The following CUX1 variants were observed in gnomAD, a reference collection of about 807,000 sequenced individuals.
CUX1 encodes the protein cut like homeobox 1, also known as protein CASP.
In CUX1, 31 loss-of-function variants were observed where a neutral mutation model predicts 158.8. The ratio of observed to expected loss-of-function variants is 0.20; its 90% confidence interval spans 0.15 to 0.26. The LOEUF (loss-of-function observed/expected upper bound fraction) is 0.26, where lower values mean the gene tolerates loss of function less well. Among genes scored for constraint, CUX1 ranks in the 10% least tolerant of loss-of-function variants. CUX1 has a pLI of 1.00. For synonymous variants in CUX1, 879 were observed against 862.1 expected (o/e 1.02, Z -0.34); for missense variants, 1,589 against 2,014.6 (o/e 0.79, Z 4.04).
intron 7 of CUX1, 26 bp downstream of exon 7, chr7:102,111,800 A>G (rs782142374): frequency 2.0e-5 from 32 of 1,604,940 alleles, no homozygotes; most frequent in Admixed American, 8.4e-5. Context: ...TCCTAGTACC[A>G]TGGATGTGGG....
At position 102,205,150 on chromosome 7, in the gene CUX1, A is replaced by C; in HGVS notation, c.3110A>C (p.Gln1037Pro). 1 of 1,612,034 alleles carries C rather than the reference A, an allele frequency of 6.2e-7. No homozygotes were observed. The highest frequency in any genetic ancestry group is 8.5e-7 in the Non-Finnish European group (1 of 1,178,898). ...HSVTSLQDPL[Q>P]QGCVSSESTP... The stretch of plus-strand genomic sequence containing the variant: ...GTGACATCGCTCCAGGACCCGCTGC[A>C]GCAGGGCTGTGTGAGCTCAGGTAAG... The change falls in exon 20 of 24, where the codon CAG becomes CCG. Residue 1037 changes from glutamine (Q) to proline (P), a missense_variant. Physicochemically the swap from Gln to Pro is moderately conservative, Grantham distance 76. This residue lies in a region of CUX1 where 259 missense variants were observed against 373.8 expected (regional missense o/e 0.69). Transcript: ENST00000292535.
intron 3 of CUX1, among the ~76,000 whole-genome samples, chr7:102,043,791 G>A (rs1822412566): frequency 6.6e-6 from 1 of 152,072 alleles, no homozygotes; most frequent in Admixed American, 6.6e-5. Flanking sequence ...TTCCCATAAT[G>A]GCTGTACCAA....
chr7:102,169,998 C>T (rs1049825597), intron 9 of CUX1, among the ~76,000 whole-genome samples: 1 of 152,172 alleles, frequency 6.6e-6, no homozygotes, highest in African/African-American at 2.4e-5. Flanking sequence ...GAAAAACAAC[C>T]ACAACATTGT....
At position 102,214,673 on chromosome 7, in the gene CUX1, G is replaced by A. The variant is rs10251123; in HGVS notation, c.3130+9503G>A. ...TGTCACGGCCCCCCGGAGCCATGCC[G>A]ACACCCAGGCCCCAGCCCCATGCGG... On this transcript the variant is annotated intron_variant, in intron 20 of 23. Coordinates refer to ENST00000292535, the MANE Select transcript of CUX1 (RefSeq NM_181552.4). 8.6e-3 allele frequency among the ~76,000 whole-genome samples: 1,311 copies of A among 152,326 alleles called. 14 individuals carry two copies. The highest frequency in any genetic ancestry group is 0.03 in the African/African-American group (1,254 of 41,570).
chr7:101,829,729 G>C (rs997667375), intron 1 of CUX1, among the ~76,000 whole-genome samples: 4 of 152,318 alleles, frequency 2.6e-5, no homozygotes, highest in African/African-American at 9.6e-5. Flanking sequence ...GGGACGCCTG[G>C]CTGGAGCCTT....
At chr7:102,027,372 C>G (rs1032919344) in intron 2 of CUX1, among the ~76,000 whole-genome samples, 1 of 150,048 alleles carries the variant, frequency 6.7e-6, no homozygotes, top group Non-Finnish European at 1.5e-5. Flanking sequence ...GACTCCATCT[C>G]AAAAAAAAAG....
chr7:101,918,339 CCTT>C (rs1804486610), intron 2 of CUX1, among the ~76,000 whole-genome samples: 1 of 152,260 alleles, frequency 6.6e-6, no homozygotes, highest in African/African-American at 2.4e-5. Context: ...GTTTTTATCT[CCTT>C]CTGATCCCAA....
chr7:101,857,491 C>G (rs1322488556), intron 1 of CUX1, among the ~76,000 whole-genome samples: 2 of 152,300 alleles, frequency 1.3e-5, no homozygotes, highest in African/African-American at 4.8e-5. Context: ...CCGAAGTCAG[C>G]TGTTTTGAAT....
At chr7:102,072,394 G>A (rs1210269768) in intron 4 of CUX1, among the ~76,000 whole-genome samples, 1 of 152,170 alleles carries the variant, frequency 6.6e-6, no homozygotes, top group Admixed American at 6.5e-5. Context: ...ATCTTGATTG[G>A]TTGCGGAAAG....
At chr7:102,212,214 A>C (rs1278698008) in intron 20 of CUX1, among the ~76,000 whole-genome samples, 1 of 152,156 alleles carries the variant, frequency 6.6e-6, no homozygotes, top group Non-Finnish European at 1.5e-5. Flanking sequence ...GGGACCCTGC[A>C]CACACAGATC....
Position 102,254,803 on chromosome 7 carries a change from C to G in CUX1, c.*5761C>G, listed in dbSNP as rs1789712406. 1 of 985,358 alleles carries G rather than the reference C, an allele frequency of 1.0e-6. No individual in the cohort carries two copies. The highest frequency in any genetic ancestry group is 4.7e-5 in the South Asian group (1 of 21,282). The allele number at this position is 985,358 out of a possible 1,614,324, so 61.0% of individuals were successfully genotyped here. A position where few individuals can be genotyped will look rare whatever the true frequency, so the allele number is the denominator to read the frequency against. On this transcript the variant is annotated 3_prime_UTR_variant, in exon 24 of 24. Transcript: ENST00000292535. ...TGATGTGGTTGGATCTCAGCGTGTA[C>G]TGAATGCCAGTCTGGCCGGCACACT...
At chr7:101,824,775 A>G (rs1793069560) in intron 1 of CUX1, 1 of 152,112 alleles carries the variant, frequency 6.6e-6, no homozygotes. Flanking sequence ...TTATTTTGAG[A>G]TTCTTGGAAG....
chr7:101,997,076 T>C (rs537212073), intron 2 of CUX1, among the ~76,000 whole-genome samples: 12 of 152,254 alleles, frequency 7.9e-5, no homozygotes, highest in African/African-American at 2.9e-4. Flanking sequence ...CATCAGGGCC[T>C]GCCCATGGGG....
At chr7:101,987,254 G>A (rs945277227) in intron 2 of CUX1, among the ~76,000 whole-genome samples, 14 of 152,302 alleles carry the variant, frequency 9.2e-5, no homozygotes, top group African/African-American at 2.9e-4. Flanking sequence ...ACAGAAGTCC[G>A]TGCGTGAGCC....
At chr7:101,818,320 G>A (rs971363077) in intron 1 of CUX1, among the ~76,000 whole-genome samples, 3 of 152,142 alleles carry the variant, frequency 2.0e-5, no homozygotes, top group South Asian at 2.1e-4. Context: ...TGTAAAACCC[G>A]TTGTGGAGTT....
chr7:101,938,690 G>A (rs776605409), intron 2 of CUX1, among the ~76,000 whole-genome samples: 11 of 152,082 alleles, frequency 7.2e-5, no homozygotes, highest in African/African-American at 1.9e-4. Context: ...CAGATCACCC[G>A]AGGTCAGGAA....
At chr7:102,224,753 C>CT (rs1798179598) in intron 20 of CUX1, among the ~76,000 whole-genome samples, 1 of 152,204 alleles carries the variant, frequency 6.6e-6, no homozygotes, top group Non-Finnish European at 1.5e-5. Context: ...TGTACAGCCT[C>CT]TGAGTTTCGT....
intron 11 of CUX1, among the ~76,000 whole-genome samples, chr7:102,180,306 G>A (rs1482202245): frequency 2.0e-5 from 3 of 148,768 alleles, no homozygotes; most frequent in African/African-American, 7.5e-5. Context: ...ACAGGCGTGA[G>A]CCACTGCCTT....
intron 1 of CUX1, among the ~76,000 whole-genome samples, chr7:101,899,777 G>A (rs976101978): frequency 6.6e-6 from 1 of 152,102 alleles, no homozygotes; most frequent in Admixed American, 6.5e-5. Context: ...CTTGGTAATT[G>A]GCATGAATTT....
Sources: allele counts gnomAD v4.1 joint callset (sites outside exome capture counted in the v4.1 genomes callset), GRCh38; gene constraint gnomAD v4.1.1; regional missense constraint gnomAD v4.1.1; transcripts MANE v1.5; gene names NCBI Gene and HGNC (gene_info 2026-07-23, HGNC 2026-07-21).